The following NRG3 variants were observed in gnomAD, a reference collection of about 807,000 sequenced individuals.
NRG3 encodes the protein pro-neuregulin-3, membrane-bound isoform.
In NRG3, 31 loss-of-function variants were observed where a neutral mutation model predicts 66.9. The observed-to-expected ratio is 0.46, with a 90% CI of 0.35 to 0.63. The LOEUF (loss-of-function observed/expected upper bound fraction) is 0.63. Ranked by LOEUF, NRG3 falls within the 20% of genes least tolerant of loss-of-function variation. The pLI is 0.00. For synonymous variants in NRG3, 393 were observed against 359.4 expected, an observed-to-expected ratio of 1.09 and a Z score of -1.06; for missense variants, 910 against 878.9, an observed-to-expected ratio of 1.04 and a Z score of -0.45.
chr10:82,560,053 T>A lies in NRG3; in HGVS notation c.954-178524T>A, dbSNP rs558493207. 7.9e-5 allele frequency among the ~76,000 whole-genome samples: 12 copies of A among 152,072 alleles called. No homozygotes were observed. The South Asian group carries it at 2.5e-3, about 32-fold the overall frequency. On this transcript the variant is annotated intron_variant, in intron 2 of 8. Coordinates refer to ENST00000372141, the MANE Select transcript of NRG3 (RefSeq NM_001010848.4). ...ACATCAATTTTTTTCATTGTCATCATCTTTCCTATTAAGTTTATCTTCAAG... is the reference window on the plus strand; with the variant it reads ...ACATCAATTTTTTTCATTGTCATCAACTTTCCTATTAAGTTTATCTTCAAG...
At chr10:82,627,156 C>A (rs776070271) in intron 2 of NRG3, among the ~76,000 whole-genome samples, 32 of 152,118 alleles carry the variant, frequency 2.1e-4, no homozygotes, top group African/African-American at 7.0e-4. Flanking sequence ...TGGACTCTGT[C>A]GTTGGAGCTG....
At chr10:82,108,272 C>T (rs534121884) in intron 1 of NRG3, among the ~76,000 whole-genome samples, 1 of 152,180 alleles carries the variant, frequency 6.6e-6, no homozygotes, top group African/African-American at 2.4e-5. Flanking sequence ...GGGTATTTTG[C>T]AAGCTGTTAC....
intron 3 of NRG3, among the ~76,000 whole-genome samples, chr10:82,768,817 T>C (rs1018510784): frequency 2.0e-5 from 3 of 152,160 alleles, no homozygotes; most frequent in Non-Finnish European, 2.9e-5. Flanking sequence ...AGAAAATCCA[T>C]GTCACAGTCT....
chr10:82,082,210 A>C (rs1249485649), intron 1 of NRG3, among the ~76,000 whole-genome samples: 2 of 152,134 alleles, frequency 1.3e-5, no homozygotes, highest in Admixed American at 1.3e-4. Context: ...TGTCCCACTC[A>C]CTAGTCTGGA....
intron 1 of NRG3, among the ~76,000 whole-genome samples, chr10:82,153,737 A>G (rs187513282): frequency 2.0e-5 from 3 of 151,762 alleles, no homozygotes; most frequent in Admixed American, 6.6e-5. Context: ...TATCTTTCGT[A>G]CTTTTGATAT....
intron 1 of NRG3, among the ~76,000 whole-genome samples, chr10:82,186,758 A>G (rs2073833688): frequency 6.6e-6 from 1 of 152,300 alleles, no homozygotes; most frequent in African/African-American, 2.4e-5. Context: ...TGGAATTTAC[A>G]CCTTATGTAT....
chr10:82,198,554 C>T (rs1207261885), intron 1 of NRG3, among the ~76,000 whole-genome samples: 1 of 152,074 alleles, frequency 6.6e-6, no homozygotes, highest in African/African-American at 2.4e-5. Flanking sequence ...ACTTATCAAC[C>T]TAGGTTAATT....
intron 1 of NRG3, among the ~76,000 whole-genome samples, chr10:81,882,188 G>A (rs1351907021): frequency 6.6e-6 from 1 of 152,198 alleles, no homozygotes; most frequent in Non-Finnish European, 1.5e-5. Context: ...TTGCAGCAGA[G>A]TGTAGGTTTC....
intron 1 of NRG3, among the ~76,000 whole-genome samples, chr10:82,176,896 C>CACACACACAA: frequency 1.3e-5 from 2 of 151,358 alleles, no homozygotes; most frequent in East Asian, 3.9e-4. Context: ...CACACACACA[C>CACACACACAA]ACACACACAA....
chr10:82,484,370 T>C lies in NRG3; in HGVS notation c.953+125502T>C, dbSNP rs188715146. 8.5e-5 allele frequency among the ~76,000 whole-genome samples: 13 copies of C among 152,312 alleles called. No individual in the cohort carries two copies. In the East Asian group the frequency reaches 1.3e-3, roughly 16 times the overall value. On this transcript the variant is annotated intron_variant, in intron 2 of 8. Transcript: ENST00000372141. ...AGCCTTGGTCTTATTTTTTGTAAAA[T>C]AGGAGATTATAATAGCTTTGTCCTT...
chr10:81,875,526 G>T lies in NRG3; in HGVS notation c.186G>T (p.Arg62=). ...GTAGCGACTGCATCGTGTGGAACCG[G>T]CAGCAGACGTGGCTGTGCGTGGTAC... ...LRCSDCIVWN[R]QQTWLCVVPL... Residue 62 remains arginine (R), a synonymous_variant, in exon 1 of 9, where the codon CGG becomes CGT. Transcript: ENST00000372141. This position sits in a 1 kb window ranked among gnomAD's most constrained non-coding sequence, Gnocchi z 5.3. 7 of 1,611,608 alleles carry T rather than the reference G, an allele frequency of 4.3e-6. No homozygotes were observed. Among genetic ancestry groups the T allele is most frequent in the Non-Finnish European group, 5.9e-6 (7 of 1,179,428 alleles).
Position 82,973,797 on chromosome 10 carries a change from G to T in NRG3, c.1294G>T (p.Val432Leu), listed in dbSNP as rs142991883. ...SHVQLQNYSK[V>L]ERHPVTALEK... is the part of the protein sequence containing the mutation. ...GTGTGATTTCCCACAGTATTCAAAG[G>T]TGGAAAGGCATCCTGTGACTGCATT... is the stretch of plus-strand genomic sequence containing the variant. The change falls in exon 7 of 9, where the codon GTG becomes TTG. Residue 432 changes from valine to leucine, a missense_variant. By Grantham distance (32) the Val-to-Leu change is conservative. Transcript: ENST00000372141. 1 of 1,614,008 alleles carries T rather than the reference G, an allele frequency of 6.2e-7. No individual in the cohort carries two copies. The highest frequency in any genetic ancestry group is 1.1e-5 in the South Asian group (1 of 91,088).
At chr10:82,010,579 A>T (rs2061536486) in intron 1 of NRG3, among the ~76,000 whole-genome samples, 1 of 152,204 alleles carries the variant, frequency 6.6e-6, no homozygotes, top group Non-Finnish European at 1.5e-5. Context: ...TCTGCTGATC[A>T]TCTACTGCCT....
chr10:82,024,814 C>T (rs776431098), intron 1 of NRG3, among the ~76,000 whole-genome samples: 11 of 152,078 alleles, frequency 7.2e-5, no homozygotes, highest in Non-Finnish European at 1.5e-4. Context: ...CAGGAGTATA[C>T]GATTGAATCA....
intron 4 of NRG3, among the ~76,000 whole-genome samples, chr10:82,917,789 GA>G (rs1845988416): frequency 6.6e-6 from 1 of 151,924 alleles, no homozygotes; most frequent in South Asian, 2.1e-4. Flanking sequence ...GTAAAATTCA[GA>G]AAATGGTGTT....
At chr10:82,209,567 T>C (rs1390146886) in intron 1 of NRG3, among the ~76,000 whole-genome samples, 1 of 152,154 alleles carries the variant, frequency 6.6e-6, no homozygotes, top group Non-Finnish European at 1.5e-5. Context: ...GACCACTGCA[T>C]TTTGATAACT....
chr10:82,754,797 T>TA (rs1250682675), intron 3 of NRG3, among the ~76,000 whole-genome samples: 1 of 152,042 alleles, frequency 6.6e-6, no homozygotes, highest in South Asian at 2.1e-4. Context: ...TACTTAAACA[T>TA]AAAAAATTGT....
chr10:81,910,635 A>G (rs1165475673), intron 1 of NRG3, among the ~76,000 whole-genome samples: 1 of 152,054 alleles, frequency 6.6e-6, no homozygotes, highest in Non-Finnish European at 1.5e-5. Context: ...AATTATTTTG[A>G]TAAACTTCTT....
At chr10:82,461,264 G>A (rs1291528484) in intron 2 of NRG3, among the ~76,000 whole-genome samples, 1 of 144,506 alleles carries the variant, frequency 6.9e-6, no homozygotes, top group Non-Finnish European at 1.5e-5. Context: ...CACCACCATC[G>A]ACACCATCAC....
Sources: allele counts gnomAD v4.1 joint callset (sites outside exome capture counted in the v4.1 genomes callset), GRCh38; gene constraint gnomAD v4.1.1; non-coding constraint Gnocchi (gnomAD v3.1); transcripts MANE v1.5; gene names NCBI Gene and HGNC (gene_info 2026-07-23, HGNC 2026-07-21).